Variants in ECPAS observed in about 807,000 individuals in gnomAD.
ECPAS encodes the protein proteasome adapter and scaffold protein ECM29.
A neutral mutation model predicts 255.1 loss-of-function variants in ECPAS; 70 were observed. The ratio of observed to expected loss-of-function variants is 0.27; its 90% CI spans 0.23 to 0.33. The LOEUF (loss-of-function observed/expected upper bound fraction) is 0.33, where lower values mean the gene tolerates loss of function less well. Among genes scored for constraint, ECPAS ranks in the 10% least tolerant of loss-of-function variants. ECPAS has a pLI of 1.00. For synonymous variants in ECPAS, 784 were observed against 775.0 expected, an observed-to-expected ratio of 1.01 and a Z score of -0.19; for missense variants, 1,817 against 2,206.4, an observed-to-expected ratio of 0.82 and a Z score of 3.54.
intron 2 of ECPAS, among the ~76,000 whole-genome samples, chr9:111,455,794 G>C (rs1307089043): frequency 6.6e-6 from 1 of 152,182 alleles, no homozygotes. Flanking sequence ...ACTTCTGGAG[G>C]AATCAAGTAT....
At chr9:111,396,210 C>T (rs2098167426) in intron 25 of ECPAS, among the ~76,000 whole-genome samples, 2 of 152,040 alleles carry the variant, frequency 1.3e-5, no homozygotes, top group South Asian at 4.1e-4. Flanking sequence ...TTTATTCTAG[C>T]TCAAATACTA....
intron 49 of ECPAS, 27 bp from the exon 50 acceptor site, chr9:111,362,196 A>C (rs761886664): frequency 4.1e-5 from 60 of 1,449,398 alleles, no homozygotes; most frequent in Non-Finnish European, 4.5e-5. Flanking sequence ...AAACAAAAAC[A>C]AAAAAAACAA....
intron 37 of ECPAS, among the ~76,000 whole-genome samples, chr9:111,375,981 C>A (rs1301948195): frequency 1.3e-5 from 2 of 152,154 alleles, no homozygotes; most frequent in African/African-American, 4.8e-5. Flanking sequence ...TACCAAGACT[C>A]CAGGAAGTTT....
intron 24 of ECPAS, among the ~76,000 whole-genome samples, chr9:111,405,735 T>C (rs1389256489): frequency 6.7e-6 from 1 of 149,742 alleles, no homozygotes; most frequent in Non-Finnish European, 1.5e-5. Flanking sequence ...AAGATCTGAA[T>C]ACAGTTATTT....
At chr9:111,375,812 C>G (rs2131530727) in intron 37 of ECPAS, among the ~76,000 whole-genome samples, 1 of 152,274 alleles carries the variant, frequency 6.6e-6, no homozygotes, top group East Asian at 1.9e-4. Flanking sequence ...CTTCTCTTCA[C>G]CAGTTTAACA....
At chr9:111,401,091 T>C (rs62569877) in intron 24 of ECPAS, among the ~76,000 whole-genome samples, 1,902 of 151,242 alleles carry the variant, frequency 0.013, 28 homozygotes, top group South Asian at 0.024. Context: ...CAGGAGGGAG[T>C]GAAATAACAT....
At chr9:111,474,663 C>A (rs2098294065) in intron 1 of ECPAS, among the ~76,000 whole-genome samples, 1 of 152,220 alleles carries the variant, frequency 6.6e-6, no homozygotes, top group South Asian at 2.1e-4. Flanking sequence ...ATTCCTACAA[C>A]ATGCTGGTCC....
In ECPAS at chr9:111,479,903, C is replaced by T. The variant is rs868542534; in HGVS notation, c.-83+4213G>A. Among the ~76,000 whole-genome samples, 3 of 149,516 alleles carry T rather than the reference C, an allele frequency of 2.0e-5. No individual in the cohort carries two copies. The South Asian group carries it at 6.3e-4, about 31-fold the overall frequency. Reference sequence around the variant, plus strand: ...CTAAGGCAGGAGAATTGCTTAAACCCAGGCGGCAAAGGTTGCAGTGAGCCG... The same window carrying T: ...CTAAGGCAGGAGAATTGCTTAAACCTAGGCGGCAAAGGTTGCAGTGAGCCG... On this transcript the variant is annotated intron_variant, in intron 1 of 49. Transcript: ENST00000684092.
chr9:111,404,422 T>C (rs2098180810), intron 24 of ECPAS, among the ~76,000 whole-genome samples: 1 of 149,364 alleles, frequency 6.7e-6, no homozygotes, highest in Admixed American at 6.6e-5. Context: ...ATATGTGATA[T>C]GCTTTGGATT....
At chr9:111,465,840 C>G (rs2098278833) in intron 2 of ECPAS, among the ~76,000 whole-genome samples, 2 of 151,100 alleles carry the variant, frequency 1.3e-5, no homozygotes, top group Non-Finnish European at 2.9e-5. Context: ...TTGAGACCAG[C>G]CTCGGCAACA....
chr9:111,366,632 G>GA lies in ECPAS; in HGVS notation c.5114-6dup, dbSNP rs757474503. On this transcript the variant is annotated splice_region_variant and splice_polypyrimidine_tract_variant and intron_variant, in intron 46 of 49. Transcript: ENST00000684092. ...ACAGCTCCTGACGATAACAACCTGG[G>GA]AAAAAAAGACAAGGTGGGACAGAGC... 18 of 1,601,010 alleles carry GA rather than the reference G, an allele frequency of 1.1e-5. No homozygotes were observed. The highest frequency in any genetic ancestry group is 2.2e-5 in the East Asian group (1 of 44,734).
chr9:111,367,371 GTAACAGT>G (rs1176977099), intron 46 of ECPAS, among the ~76,000 whole-genome samples: 1 of 152,180 alleles, frequency 6.6e-6, no homozygotes, highest in Non-Finnish European at 1.5e-5. Context: ...AAGCCAATGT[GTAACAGT>G]TAAGTTCCTA....
At chr9:111,362,835 C>T (rs995075160) in intron 49 of ECPAS, among the ~76,000 whole-genome samples, 1 of 152,162 alleles carries the variant, frequency 6.6e-6, no homozygotes, top group African/African-American at 2.4e-5. Context: ...AAGTGCCTAG[C>T]TCTTTTATCT....
At chr9:111,431,016 T>G (rs1329606178) in intron 8 of ECPAS, among the ~76,000 whole-genome samples, 1 of 152,158 alleles carries the variant, frequency 6.6e-6, no homozygotes, top group African/African-American at 2.4e-5. Flanking sequence ...ATTCGTCTGT[T>G]TAACCATTTG....
At chr9:111,447,420 G>T (rs1236024000) in intron 3 of ECPAS, among the ~76,000 whole-genome samples, 1 of 152,056 alleles carries the variant, frequency 6.6e-6, no homozygotes, top group Non-Finnish European at 1.5e-5. Flanking sequence ...GGCCTATTTT[G>T]AATTTTAAAT....
intron 24 of ECPAS, among the ~76,000 whole-genome samples, chr9:111,407,729 A>T (rs766174327): frequency 1.3e-5 from 2 of 152,048 alleles, no homozygotes; most frequent in Non-Finnish European, 2.9e-5. Flanking sequence ...ATAGAATTAC[A>T]CCTTCCTTTG....
chr9:111,371,404 A>G (rs953640604), intron 43 of ECPAS, among the ~76,000 whole-genome samples: 3 of 152,204 alleles, frequency 2.0e-5, no homozygotes, highest in Non-Finnish European at 4.4e-5. Flanking sequence ...ATCTATCTCC[A>G]GCATTACTGT....
chr9:111,476,163 CTT>C (rs2098296003), intron 1 of ECPAS, among the ~76,000 whole-genome samples: 1 of 152,192 alleles, frequency 6.6e-6, no homozygotes, highest in African/African-American at 2.4e-5. Flanking sequence ...GCTGTTGCTC[CTT>C]CATGAGTTGC....
At position 111,366,608 on chromosome 9, in the gene ECPAS, C is replaced by A. The variant is rs942417709; in HGVS notation, c.5133G>T (p.Leu1711=). ...TTAGCCGTTCACACATCAGTTTGCACAGCTCCTGACGATAACAACCTGGGA... is the reference window on the plus strand; with the variant it reads ...TTAGCCGTTCACACATCAGTTTGCAAAGCTCCTGACGATAACAACCTGGGA... ...AETQRCYRQE[L]CKLMCERLKL... is the part of the protein sequence containing the mutation. The change falls in exon 47 of 50, where the codon CTG becomes CTT. Residue 1711 remains leucine, a synonymous_variant. Coordinates refer to ENST00000684092, the MANE Select transcript of ECPAS (RefSeq NM_001364929.1). 6.8e-6 allele frequency: 11 copies of A among 1,612,804 alleles called. No individual in the cohort carries two copies. Among genetic ancestry groups the A allele is most frequent in the Non-Finnish European group, 9.3e-6 (11 of 1,179,238 alleles).
Sources: allele counts gnomAD v4.1 joint callset (sites outside exome capture counted in the v4.1 genomes callset), GRCh38; gene constraint gnomAD v4.1.1; transcripts MANE v1.5; gene names NCBI Gene and HGNC (gene_info 2026-07-23, HGNC 2026-07-21).